The following VTCN1 variants were observed in gnomAD, a reference collection of about 807,000 sequenced individuals.
VTCN1 encodes the protein V-set domain-containing T-cell activation inhibitor 1.
Under a neutral mutation model 26.5 loss-of-function variants are expected in VTCN1, and 26 were observed. The ratio of observed to expected loss-of-function variants is 0.98; its 90% CI spans 0.72 to 1.36. VTCN1 has a LOEUF of 1.36. Ranked by LOEUF, VTCN1 falls within the 40% of genes most tolerant of loss-of-function variation. VTCN1 has a pLI of 0.00. For synonymous variants in VTCN1, 116 were observed against 130.7 expected (o/e 0.89, Z 0.77); for missense variants, 298 against 337.7 (o/e 0.88, Z 0.92).
intron 1 of VTCN1, among the ~76,000 whole-genome samples, chr1:117,171,008 C>T (rs964662115): frequency 6.6e-6 from 1 of 151,834 alleles, no homozygotes; most frequent in Admixed American, 6.6e-5. Context: ...CCCTTGCCCC[C>T]AGCCCCCCTG....
intron 3 of VTCN1, among the ~76,000 whole-genome samples, chr1:117,154,035 A>G (rs540649605): frequency 6.6e-6 from 1 of 152,310 alleles, no homozygotes; most frequent in African/African-American, 2.4e-5. Flanking sequence ...AAAATGTTTA[A>G]GCCTGGACTT....
At chr1:117,181,978 C>T (rs935338857) in intron 1 of VTCN1, among the ~76,000 whole-genome samples, 1 of 152,108 alleles carries the variant, frequency 6.6e-6, no homozygotes, top group Non-Finnish European at 1.5e-5. Context: ...GAATTTCATT[C>T]CTTTTCTTGC....
rs146739274 is a variant in VTCN1, at chr1:117,183,188, C to T, written c.33-13017G>A. Among the ~76,000 whole-genome samples the T allele has an allele frequency of 2.3e-3, 349 of 152,314 alleles. 1 individual carries two copies. The highest frequency in any genetic ancestry group is 3.7e-3 in the Non-Finnish European group (252 of 68,030). ...TCCACACTCCATCCATTCTAAACCA[C>T]TCTGGGTCCCTGACTACGCCAGGCT... On this transcript the variant is annotated intron_variant, in intron 1 of 5. Transcript: ENST00000369458. The surrounding 1 kb of genome is among the most constrained non-coding windows in gnomAD (Gnocchi z 4.1).
intron 3 of VTCN1, 93 bp from the exon 4 acceptor site, chr1:117,153,462 T>C: frequency 6.8e-6 from 1 of 147,476 alleles, no homozygotes. Context: ...AATGCAGTCA[T>C]TTTTTTTTTT....
chr1:117,145,916 G>A lies in VTCN1; in HGVS notation c.*46-691C>T, dbSNP rs1651481927. Among the ~76,000 whole-genome samples, 1 of 152,156 alleles carries A rather than the reference G, an allele frequency of 6.6e-6. No homozygotes were observed. The highest frequency in any genetic ancestry group is 2.4e-5 in the African/African-American group (1 of 41,444). ...CTCAAAGTGCTGGGGTTACAGGTGT[G>A]AGCCACCATGCCCAGCCTTACTCAT... On this transcript the variant is annotated intron_variant, in intron 5 of 5. Coordinates refer to ENST00000369458, the MANE Select transcript of VTCN1 (RefSeq NM_024626.4). This position sits in a 1 kb window ranked among gnomAD's most constrained non-coding sequence, Gnocchi z 4.6.
intron 1 of VTCN1, among the ~76,000 whole-genome samples, chr1:117,190,698 G>A (rs1258183181): frequency 6.6e-6 from 1 of 152,192 alleles, no homozygotes; most frequent in African/African-American, 2.4e-5. Context: ...GAGCAGTTAT[G>A]TAACCCCACT....
At position 117,183,021 on chromosome 1, in the gene VTCN1, AAAGAAT is replaced by A. The variant is rs1647752884; in HGVS notation, c.33-12856_33-12851del. On this transcript the variant is annotated intron_variant, in intron 1 of 5. Coordinates refer to ENST00000369458, the MANE Select transcript of VTCN1 (RefSeq NM_024626.4). The surrounding 1 kb of genome is among the most constrained non-coding windows in gnomAD (Gnocchi z 4.1). ...CATTCTGATACCATTTTTTAAAGAA[AAAGAAT>A]AAGATTAAAATATAAAGTATTGATT... is the stretch of plus-strand genomic sequence containing the variant. Among the ~76,000 whole-genome samples the A allele has an allele frequency of 6.6e-6, 1 of 152,236 alleles. No individual in the cohort carries two copies. The highest frequency in any genetic ancestry group is 2.4e-5 in the African/African-American group (1 of 41,460).
At chr1:117,148,424 C>T (rs1202231732) in intron 4 of VTCN1, among the ~76,000 whole-genome samples, 1 of 152,118 alleles carries the variant, frequency 6.6e-6, no homozygotes, top group South Asian at 2.1e-4. Flanking sequence ...TGAGTTAGTG[C>T]ATGCAAAGCA....
Position 117,167,750 on chromosome 1 carries a change from T to C in VTCN1, c.97+2357A>G. 6.6e-6 allele frequency among the ~76,000 whole-genome samples: 1 copy of C among 152,160 alleles called. No individual in the cohort carries two copies. Among genetic ancestry groups the C allele is most frequent in the Non-Finnish European group, 1.5e-5 (1 of 68,040 alleles). On this transcript the variant is annotated intron_variant, in intron 2 of 5. Coordinates refer to ENST00000369458, the MANE Select transcript of VTCN1 (RefSeq NM_024626.4). This position sits in a 1 kb window ranked among gnomAD's most constrained non-coding sequence, Gnocchi z 4.1. ...CACACTCCTTGTGAGCTGCTTTATT[T>C]TGAGACAGTAGAAAAAGAATTGAAA...
chr1:117,147,735 C>A lies in VTCN1; in HGVS notation c.772G>T (p.Ala258Ser), dbSNP rs1256055722. The change falls in exon 5 of 6, where the codon GCT (alanine) becomes TCT (serine). Residue 258 changes from alanine to serine, a missense_variant. Transcript: ENST00000369458. The surrounding 1 kb of genome is among the most constrained non-coding windows in gnomAD (Gnocchi z 4.6). ...RSHLQLLNSKASLCVSSFFAI... is the reference protein window; with the variant it reads ...RSHLQLLNSKSSLCVSSFFAI... ...AAGAAAGAAGAGACACACAGAGAAG[C>A]CTTTGAGTTTAGCAGCTGTAGGTGA... 6 of 1,614,002 alleles carry A rather than the reference C, an allele frequency of 3.7e-6. No homozygotes were observed. Among genetic ancestry groups the A allele is most frequent in the Non-Finnish European group, 5.1e-6 (6 of 1,179,946 alleles).
At chr1:117,156,949 C>G in intron 2 of VTCN1, 28 bp from the exon 3 acceptor site, 1 of 1,613,682 alleles carries the variant, frequency 6.2e-7, no homozygotes, top group South Asian at 1.1e-5. Context: ...AAGATCAATG[C>G]TAAGGGAAGC....
rs143842894 is a variant in VTCN1, at chr1:117,159,638, G to A, written c.98-2717C>T. Among the ~76,000 whole-genome samples, 576 of 152,276 alleles carry A rather than the reference G, an allele frequency of 3.8e-3. 4 individuals carry two copies. The highest frequency in any genetic ancestry group is 0.013 in the African/African-American group (529 of 41,544). ...TGCAAACTGTAATTACACATATAAG[G>A]TATTGTTATTCTCAGTTAACCAGAA... is the stretch of plus-strand genomic sequence containing the variant. On this transcript the variant is annotated intron_variant, in intron 2 of 5. Transcript: ENST00000369458. This position sits in a 1 kb window ranked among gnomAD's most constrained non-coding sequence, Gnocchi z 4.7.
At chr1:117,170,572 T>C (rs1652856751) in intron 1 of VTCN1, among the ~76,000 whole-genome samples, 1 of 152,210 alleles carries the variant, frequency 6.6e-6, no homozygotes, top group South Asian at 2.1e-4. Context: ...GTCATTTGTC[T>C]CCCTGTCTTA....
In VTCN1 at chr1:117,202,779, G is replaced by A. The variant is rs777893679; in HGVS notation, c.32+8045C>T. 4.8e-4 allele frequency among the ~76,000 whole-genome samples: 73 copies of A among 152,298 alleles called. 1 individual carries two copies. The highest frequency in any genetic ancestry group is 3.1e-3 in the Admixed American group (47 of 15,298). On this transcript the variant is annotated intron_variant, in intron 1 of 5. Coordinates refer to ENST00000369458, the MANE Select transcript of VTCN1 (RefSeq NM_024626.4). ...GATGGACCCAGACAACCTGGCTCCA[G>A]CCTGTGCTTGAAACCTCTACCTCAC...
chr1:117,178,115 A>G (rs1452181529), intron 1 of VTCN1, among the ~76,000 whole-genome samples: 2 of 151,686 alleles, frequency 1.3e-5, no homozygotes, highest in African/African-American at 4.8e-5. Context: ...AAAAACAAAA[A>G]ATTTGTAGAG....
intron 2 of VTCN1, among the ~76,000 whole-genome samples, chr1:117,166,129 T>C (rs1224858096): frequency 6.6e-6 from 1 of 152,182 alleles, no homozygotes; most frequent in East Asian, 1.9e-4. Context: ...CATCCAACTG[T>C]CCATTCAAAA....
intron 1 of VTCN1, among the ~76,000 whole-genome samples, chr1:117,207,869 T>G (rs1388990662): frequency 6.6e-6 from 1 of 152,186 alleles, no homozygotes; most frequent in Non-Finnish European, 1.5e-5. Flanking sequence ...GAATCCATTT[T>G]CCTCCTGTAG....
intron 1 of VTCN1, among the ~76,000 whole-genome samples, chr1:117,187,986 T>C (rs942732777): frequency 1.3e-5 from 2 of 152,160 alleles, no homozygotes; most frequent in Non-Finnish European, 2.9e-5. Context: ...CTCACTCAGA[T>C]GAAGGGTATT....
rs760004406 is a variant in VTCN1 at position 117,143,790 on chromosome 1, T to G, written c.*1481A>C. ...TTCCTCAAGGCCTCAATTCAAGCAGTCATTGTCCTTGCTTTCAAAAGTCTG... is the reference window on the plus strand; with the variant it reads ...TTCCTCAAGGCCTCAATTCAAGCAGGCATTGTCCTTGCTTTCAAAAGTCTG... On this transcript the variant is annotated 3_prime_UTR_variant, in exon 6 of 6. Coordinates refer to ENST00000369458, the MANE Select transcript of VTCN1 (RefSeq NM_024626.4). 2.6e-5 allele frequency: 4 copies of G among 152,164 alleles called. No individual in the cohort carries two copies. Among genetic ancestry groups the G allele is most frequent in the Non-Finnish European group, 2.9e-5 (2 of 68,040 alleles). The allele number at this position is 152,164 out of a possible 1,614,324, so 9.4% of individuals were successfully genotyped here.
Sources: gnomAD v4.1 joint callset for allele counts (sites outside exome capture counted in the v4.1 genomes callset) on GRCh38, gnomAD v4.1.1 for gene constraint, Gnocchi (gnomAD v3.1) non-coding constraint, MANE v1.5 for transcripts, NCBI Gene and HGNC (gene_info 2026-07-23, HGNC 2026-07-21) for gene names.